CDH20: variants seen among roughly 807,000 people sequenced by gnomAD.
CDH20 encodes the protein cadherin 20, also known as cadherin-20.
CDH20 carries 29 observed loss-of-function variants against 74.2 expected under a neutral mutation model. The observed-to-expected ratio is 0.39, with a 90% CI of 0.29 to 0.53. The LOEUF (loss-of-function observed/expected upper bound fraction) is 0.53. Among genes scored for constraint, CDH20 ranks in the 20% least tolerant of loss-of-function variants. The pLI, the probability that CDH20 is intolerant of heterozygous loss-of-function variation, is 0.69. For missense variants in CDH20, 988 were observed against 1,048.3 expected (o/e 0.94, Z 0.79); for synonymous variants, 469 against 405.4 (o/e 1.16, Z -1.88).
intron 1 of CDH20, among the ~76,000 whole-genome samples, chr18:61,405,634 C>G (rs1803127355): frequency 6.6e-6 from 1 of 152,028 alleles, no homozygotes; most frequent in Non-Finnish European, 1.5e-5. Flanking sequence ...TAAACAAATT[C>G]CATCAGGTTC....
chr18:61,387,964 GA>G (rs34955035), intron 1 of CDH20, among the ~76,000 whole-genome samples: 20,547 of 146,152 alleles, frequency 0.14, 1,443 homozygotes, highest in Non-Finnish European at 0.17. Flanking sequence ...TTATAGTGGG[GA>G]AAAAAAAAAA....
At chr18:61,377,097 C>A (rs1233958395) in intron 1 of CDH20, among the ~76,000 whole-genome samples, 2 of 151,984 alleles carry the variant, frequency 1.3e-5, no homozygotes, top group Admixed American at 6.6e-5. Flanking sequence ...AGCTTGGAGC[C>A]CTTAGAATTT....
At chr18:61,347,559 CACACAAAAACACAAAA>C (rs201617116) in intron 1 of CDH20, among the ~76,000 whole-genome samples, 3 of 151,328 alleles carry the variant, frequency 2.0e-5, no homozygotes, top group Non-Finnish European at 2.9e-5. Context: ...ACCACACACA[CACACAAAAACACAAAA>C]ACACAAAAAC....
At chr18:61,489,285 A>C (rs1182349159) in intron 1 of CDH20, among the ~76,000 whole-genome samples, 1 of 152,214 alleles carries the variant, frequency 6.6e-6, no homozygotes, top group Non-Finnish European at 1.5e-5. Flanking sequence ...TAACTAAGTT[A>C]GCATCAATGC....
At chr18:61,334,121 C>G (rs1436613840) in intron 1 of CDH20, among the ~76,000 whole-genome samples, 4 of 152,022 alleles carry the variant, frequency 2.6e-5, no homozygotes, top group African/African-American at 9.7e-5. Flanking sequence ...GCGCTGGGAG[C>G]GGGGACTGCG....
intron 1 of CDH20, among the ~76,000 whole-genome samples, chr18:61,393,261 C>T (rs985413327): frequency 3.9e-5 from 6 of 152,138 alleles, no homozygotes; most frequent in African/African-American, 1.4e-4. Context: ...CTTTCCACAC[C>T]ACACTTCACA....
At chr18:61,514,082 T>C (rs1387963798) in intron 6 of CDH20, among the ~76,000 whole-genome samples, 19 of 152,338 alleles carry the variant, frequency 1.2e-4, no homozygotes, top group African/African-American at 4.6e-4. Flanking sequence ...CTGGACGATA[T>C]CCTGCAGCGT....
intron 1 of CDH20, among the ~76,000 whole-genome samples, chr18:61,425,776 A>G (rs1913049720): frequency 6.6e-6 from 1 of 152,216 alleles, no homozygotes; most frequent in Non-Finnish European, 1.5e-5. Context: ...CGGATACACG[A>G]AAAACCTCAG....
rs1911277119 is a variant in CDH20 at position 61,499,302 on chromosome 18, G to T, written c.363G>T (p.Arg121Ser). The T allele has an allele frequency of 6.2e-7, 1 of 1,613,912 alleles. No homozygotes were observed. The highest frequency in any genetic ancestry group is 8.5e-7 in the Non-Finnish European group (1 of 1,179,974). The change falls in exon 3 of 12, where the codon AGG becomes AGT. Residue 121 changes from arginine to serine, a missense_variant. By Grantham distance (110) the Arg-to-Ser change is moderately radical. Transcript: ENST00000262717. ...CTGGAGACATCCACGCCATTCAGAGGCTCGACCGAGAGGAAAGAGCCCAGT... is the reference window on the plus strand; with the variant it reads ...CTGGAGACATCCACGCCATTCAGAGTCTCGACCGAGAGGAAAGAGCCCAGT... ...DTTGDIHAIQ[R>S]LDREERAQYT...
chr18:61,425,059 CTCT>C (rs1263817711), intron 1 of CDH20, among the ~76,000 whole-genome samples: 1 of 151,328 alleles, frequency 6.6e-6, no homozygotes, highest in Non-Finnish European at 1.5e-5. Context: ...CTCTCTCTCT[CTCT>C]CTCTCTCTCT....
intron 1 of CDH20, among the ~76,000 whole-genome samples, chr18:61,379,991 A>G (rs561479577): frequency 6.6e-6 from 1 of 152,336 alleles, no homozygotes; most frequent in African/African-American, 2.4e-5. Context: ...TGTAGTTGAT[A>G]CAGGCAAAGC....
At chr18:61,433,422 T>C in intron 1 of CDH20, among the ~76,000 whole-genome samples, 1 of 152,200 alleles carries the variant, frequency 6.6e-6, no homozygotes, top group African/African-American at 2.4e-5. Flanking sequence ...GACAAATATA[T>C]GTTAAAACAT....
intron 1 of CDH20, among the ~76,000 whole-genome samples, chr18:61,397,900 T>A (rs1912036255): frequency 6.6e-6 from 1 of 152,216 alleles, no homozygotes; most frequent in Non-Finnish European, 1.5e-5. Context: ...TAGCACTTAG[T>A]ATGATGCCTT....
intron 1 of CDH20, among the ~76,000 whole-genome samples, chr18:61,374,385 A>G (rs1034445422): frequency 6.6e-6 from 1 of 152,152 alleles, no homozygotes; most frequent in African/African-American, 2.4e-5. Context: ...TCTAAAAACA[A>G]AAAACAAAGT....
chr18:61,419,104 C>T (rs1266498659), intron 1 of CDH20, among the ~76,000 whole-genome samples: 1 of 152,120 alleles, frequency 6.6e-6, no homozygotes, highest in East Asian at 1.9e-4. Flanking sequence ...TGCTCTGTCA[C>T]CCAGATTGGA....
chr18:61,461,341 AAAAAAAAC>A (rs1824475236), intron 1 of CDH20, among the ~76,000 whole-genome samples: 1 of 150,876 alleles, frequency 6.6e-6, no homozygotes, highest in South Asian at 2.1e-4. Flanking sequence ...AAAAAAAAAA[AAAAAAAAC>A]CAGAAATTTA....
chr18:61,409,186 A>G (rs1187089056), intron 1 of CDH20, among the ~76,000 whole-genome samples: 1 of 152,212 alleles, frequency 6.6e-6, no homozygotes, highest in Admixed American at 6.5e-5. Context: ...AAATGTTTTC[A>G]TTAATACATG....
At chr18:61,357,293 AC>A (rs1910525529) in intron 1 of CDH20, among the ~76,000 whole-genome samples, 1 of 152,222 alleles carries the variant, frequency 6.6e-6, no homozygotes. Context: ...AACCATTTGT[AC>A]TTTTAGCTGC....
intron 1 of CDH20, among the ~76,000 whole-genome samples, chr18:61,350,043 G>A (rs1349569962): frequency 6.6e-6 from 1 of 152,074 alleles, no homozygotes; most frequent in Non-Finnish European, 1.5e-5. Context: ...CAGTCACACA[G>A]TAGTTGACTA....
Sources: allele counts gnomAD v4.1 joint callset (sites outside exome capture counted in the v4.1 genomes callset), GRCh38; gene constraint gnomAD v4.1.1; transcripts MANE v1.5; gene names NCBI Gene and HGNC (gene_info 2026-07-23, HGNC 2026-07-21).